Variants in NRXN1 observed in about 807,000 individuals in gnomAD.
NRXN1 encodes neurexin-1.
NRXN1 carries 39 observed loss-of-function variants against 150.9 expected under a neutral mutation model. That is an observed-to-expected ratio of 0.26 (90% confidence interval 0.20 to 0.34). The LOEUF (loss-of-function observed/expected upper bound fraction) is 0.34. NRXN1 is among the 10% of genes least tolerant of loss of function. The pLI is 1.00. For missense variants in NRXN1, 1,815 were observed against 1,949.9 expected, an observed-to-expected ratio of 0.93 and a Z score of 1.30; for synonymous variants, 924 against 757.0, an observed-to-expected ratio of 1.22 and a Z score of -3.62.
At chr2:50,189,815 T>C (rs1051631203) in intron 18 of NRXN1, among the ~76,000 whole-genome samples, 4 of 152,304 alleles carry the variant, frequency 2.6e-5, no homozygotes, top group South Asian at 2.1e-4. Flanking sequence ...TTTAAAGTTA[T>C]TGAATTAGTT....
At chr2:50,225,335 C>T (rs969004284) in intron 18 of NRXN1, among the ~76,000 whole-genome samples, 1 of 151,916 alleles carries the variant, frequency 6.6e-6, no homozygotes, top group African/African-American at 2.4e-5. Context: ...CTCTGTAAAC[C>T]ATTACTATGC....
At chr2:50,907,103 C>T (rs1170394819) in intron 5 of NRXN1, among the ~76,000 whole-genome samples, 1 of 151,664 alleles carries the variant, frequency 6.6e-6, no homozygotes, top group Admixed American at 6.6e-5. Flanking sequence ...CACTCTCTCC[C>T]TTTTCCCTTG....
intron 22 of NRXN1, among the ~76,000 whole-genome samples, chr2:49,924,405 C>T (rs1018326811): frequency 5.3e-5 from 8 of 152,014 alleles, no homozygotes; most frequent in Non-Finnish European, 7.4e-5. Context: ...TAAGAATAGA[C>T]ATGTATTTTT....
intron 21 of NRXN1, among the ~76,000 whole-genome samples, chr2:50,004,240 G>A (rs540467715): frequency 1.3e-5 from 2 of 152,204 alleles, no homozygotes; most frequent in East Asian, 1.9e-4. Context: ...ATATTGTAGA[G>A]ACACTCTTGT....
chr2:50,532,947 G>A (rs553557441), intron 10 of NRXN1, among the ~76,000 whole-genome samples: 2 of 152,218 alleles, frequency 1.3e-5, no homozygotes, highest in East Asian at 3.9e-4. Flanking sequence ...AATGAACCAG[G>A]AAATTTTCAT....
chr2:50,045,231 T>C lies in NRXN1; in HGVS notation c.4128+8040A>G, dbSNP rs567931147. On this transcript the variant is annotated intron_variant, in intron 21 of 22. Coordinates refer to ENST00000401669, the MANE Select transcript of NRXN1 (RefSeq NM_001330078.2). ...TGATAAAACATGTAAGAAATTAACA[T>C]AGAGATTTAAAACTAATATTGACTT... is the stretch of plus-strand genomic sequence containing the variant. Among the ~76,000 whole-genome samples, 120 of 152,262 alleles carry C rather than the reference T, an allele frequency of 7.9e-4. 1 individual carries two copies. The highest frequency in any genetic ancestry group is 2.8e-3 in the African/African-American group (118 of 41,564).
intron 17 of NRXN1, among the ~76,000 whole-genome samples, chr2:50,379,744 A>C (rs1364992354): frequency 6.6e-6 from 1 of 152,184 alleles, no homozygotes; most frequent in Non-Finnish European, 1.5e-5. Context: ...ATCTCCACAA[A>C]CAGTGTAACT....
intron 18 of NRXN1, among the ~76,000 whole-genome samples, chr2:50,099,596 T>A (rs1022536560): frequency 3.3e-5 from 5 of 152,208 alleles, no homozygotes; most frequent in African/African-American, 1.2e-4. Context: ...TTATTATTGC[T>A]ACAATTATTG....
intron 21 of NRXN1, among the ~76,000 whole-genome samples, chr2:50,008,316 T>C (rs6545143): frequency 0.048 from 7,296 of 152,200 alleles, 592 homozygotes; most frequent in African/African-American, 0.16. Context: ...CTTTTGGTTC[T>C]TTTCTATATC....
At chr2:50,185,134 G>A (rs2060982084) in intron 18 of NRXN1, among the ~76,000 whole-genome samples, 1 of 152,112 alleles carries the variant, frequency 6.6e-6, no homozygotes, top group Non-Finnish European at 1.5e-5. Flanking sequence ...GATCTCACCA[G>A]CTAATCCATC....
intron 5 of NRXN1, among the ~76,000 whole-genome samples, chr2:50,716,250 G>A (rs1695852111): frequency 6.6e-6 from 1 of 152,138 alleles, no homozygotes. Flanking sequence ...ATTAGCAGAA[G>A]AGAGACTGAT....
chr2:50,548,805 G>C (rs905664958), intron 9 of NRXN1, among the ~76,000 whole-genome samples: 32 of 152,116 alleles, frequency 2.1e-4, no homozygotes, highest in African/African-American at 6.5e-4. Context: ...CCACTACTTA[G>C]ATTGGCAGCA....
chr2:50,847,449 G>A (rs990624270), intron 5 of NRXN1, among the ~76,000 whole-genome samples: 2 of 152,124 alleles, frequency 1.3e-5, no homozygotes, highest in African/African-American at 4.8e-5. Flanking sequence ...AGGGAAGAGT[G>A]TGGTCGCTTT....
intron 5 of NRXN1, among the ~76,000 whole-genome samples, chr2:50,778,123 TCAGA>T (rs1703890036): frequency 6.6e-6 from 1 of 152,048 alleles, no homozygotes; most frequent in Non-Finnish European, 1.5e-5. Flanking sequence ...ACTAAACTCC[TCAGA>T]CACTTTTAGC....
At chr2:50,927,230 A>G (rs1451596277) in intron 2 of NRXN1, among the ~76,000 whole-genome samples, 2 of 152,052 alleles carry the variant, frequency 1.3e-5, no homozygotes, top group Admixed American at 6.6e-5. Flanking sequence ...AAACCTTCTT[A>G]ATTGGATAAA....
At chr2:50,995,637 C>T (rs1468014839) in intron 2 of NRXN1, among the ~76,000 whole-genome samples, 1 of 150,564 alleles carries the variant, frequency 6.6e-6, no homozygotes, top group African/African-American at 2.4e-5. Context: ...TCAGAGGATC[C>T]TAGACCTCAG....
intron 2 of NRXN1, among the ~76,000 whole-genome samples, chr2:50,984,837 G>A (rs924161807): frequency 1.3e-5 from 2 of 151,990 alleles, no homozygotes; most frequent in Non-Finnish European, 2.9e-5. Context: ...CGCTTAAAGA[G>A]TAATTAGTTT....
intron 5 of NRXN1, among the ~76,000 whole-genome samples, chr2:50,657,630 T>C (rs1477293463): frequency 6.6e-6 from 1 of 151,984 alleles, no homozygotes; most frequent in African/African-American, 2.4e-5. Context: ...AAGTGGTGGG[T>C]GTTCTTGCTT....
intron 17 of NRXN1, among the ~76,000 whole-genome samples, chr2:50,408,733 C>T (rs1489800081): frequency 1.3e-5 from 2 of 152,052 alleles, no homozygotes; most frequent in Non-Finnish European, 2.9e-5. Flanking sequence ...CTTCCATTTG[C>T]CCCTCTGCAT....
Sources: gnomAD v4.1 joint callset for allele counts (sites outside exome capture counted in the v4.1 genomes callset) on GRCh38, gnomAD v4.1.1 for gene constraint, MANE v1.5 for transcripts, NCBI Gene and HGNC (gene_info 2026-07-23, HGNC 2026-07-21) for gene names.